The following SCARB1 variants were observed in gnomAD, a reference collection of about 807,000 sequenced individuals.
SCARB1 encodes CD36 and LIMPII analogous 1.
A neutral mutation model predicts 57.2 loss-of-function variants in SCARB1; 30 were observed. That is an observed-to-expected ratio of 0.52 (90% CI 0.39 to 0.71). The LOEUF is 0.71. Ranked by LOEUF, SCARB1 falls within the 30% of genes least tolerant of loss-of-function variation. SCARB1 has a pLI of 0.00. For synonymous variants in SCARB1, 249 were observed against 268.3 expected (o/e 0.93, Z 0.70); for missense variants, 543 against 671.2 (o/e 0.81, Z 2.11).
intron 1 of SCARB1, among the ~76,000 whole-genome samples, chr12:124,858,353 G>A (rs1224037030): frequency 6.6e-6 from 1 of 152,136 alleles, no homozygotes; most frequent in Non-Finnish European, 1.5e-5. Flanking sequence ...CCCATGAATG[G>A]ATGCCATGAA....
Position 124,800,012 on chromosome 12 carries a change from G to C in SCARB1, c.1128+112C>G. The C allele has an allele frequency of 1.2e-6, 1 of 829,826 alleles. No individual in the cohort carries two copies. 51.4% of individuals were successfully genotyped at this position (829,826 alleles called of 1,614,324 possible). A position where few individuals can be genotyped will look rare whatever the true frequency, so the allele number is the denominator to read the frequency against. On this transcript the variant is annotated intron_variant, in intron 8 of 12. Coordinates refer to ENST00000261693, the MANE Select transcript of SCARB1 (RefSeq NM_005505.5). This position sits in a 1 kb window ranked among gnomAD's most constrained non-coding sequence, Gnocchi z 4.8. ...TGGTGGCTCGAGATTCTAGAAGCCA[G>C]GCTTCCCACCACCCCAGCCCACAGC...
chr12:124,817,299 G>A lies in SCARB1; in HGVS notation c.284+251C>T, dbSNP rs1025754997. On this transcript the variant is annotated intron_variant, in intron 2 of 12. Coordinates refer to ENST00000261693, the MANE Select transcript of SCARB1 (RefSeq NM_005505.5). This position sits in a 1 kb window ranked among gnomAD's most constrained non-coding sequence, Gnocchi z 4.8. ...CTTTGAGAGGCTGAGGCGGAGGATC[G>A]CTTGAGCCCAGGACTTCAAAACCAG... is the stretch of plus-strand genomic sequence containing the variant. Among the ~76,000 whole-genome samples the A allele has an allele frequency of 6.4e-4, 89 of 139,414 alleles. 1 individual carries two copies. Among genetic ancestry groups the A allele is most frequent in the African/African-American group, 1.9e-3 (68 of 36,564 alleles). 91.5% of individuals were successfully genotyped at this position (139,414 alleles called of 152,430 possible). A position where few individuals can be genotyped will look rare whatever the true frequency, so the allele number is the denominator to read the frequency against.
In SCARB1 at chr12:124,817,149, T is replaced by TAC. The variant is rs1950767295; in HGVS notation, c.284+400_284+401insGT. Reference sequence around the variant, plus strand: ...GTATGTGTGTATGTGTATGTGTATGTGTGTGTATGTATGTGTGTAACTCAC... The same window carrying TAC: ...GTATGTGTGTATGTGTATGTGTATGTACGTGTGTATGTATGTGTGTAACTCAC... On this transcript the variant is annotated intron_variant, in intron 2 of 12. Coordinates refer to ENST00000261693, the MANE Select transcript of SCARB1 (RefSeq NM_005505.5). This position sits in a 1 kb window ranked among gnomAD's most constrained non-coding sequence, Gnocchi z 4.8. Among the ~76,000 whole-genome samples, 2 of 151,550 alleles carry TAC rather than the reference T, an allele frequency of 1.3e-5. No individual in the cohort carries two copies. The highest frequency in any genetic ancestry group is 4.8e-5 in the African/African-American group (2 of 41,242).
chr12:124,824,010 A>AT (rs1337224370), intron 1 of SCARB1, among the ~76,000 whole-genome samples: 4 of 149,336 alleles, frequency 2.7e-5, no homozygotes, highest in African/African-American at 1.0e-4. Flanking sequence ...ATTAAAAAAA[A>AT]AATATATACA....
At chr12:124,827,150 A>G (rs1293329887) in intron 1 of SCARB1, among the ~76,000 whole-genome samples, 1 of 152,214 alleles carries the variant, frequency 6.6e-6, no homozygotes, top group Non-Finnish European at 1.5e-5. Context: ...ACCGGATTAA[A>G]GAAGGAAGAG....
intron 1 of SCARB1, among the ~76,000 whole-genome samples, chr12:124,836,709 C>T (rs1331418858): frequency 6.6e-6 from 1 of 152,040 alleles, no homozygotes; most frequent in East Asian, 1.9e-4. Context: ...CAGGAGGATC[C>T]CTTGAGCCCA....
intron 9 of SCARB1, among the ~76,000 whole-genome samples, chr12:124,788,122 G>A (rs1156836208): frequency 6.6e-6 from 1 of 152,112 alleles, no homozygotes; most frequent in Non-Finnish European, 1.5e-5. Flanking sequence ...CAGGGATAAG[G>A]GGTCCATGGT....
Position 124,814,523 on chromosome 12 carries a change from C to G in SCARB1, c.427-118G>C, listed in dbSNP as rs1470230603. The G allele has an allele frequency of 1.8e-6, 2 of 1,120,588 alleles. No homozygotes were observed. Among genetic ancestry groups the G allele is most frequent in the Non-Finnish European group, 2.7e-6 (2 of 752,336 alleles). 69.4% of individuals were successfully genotyped at this position (1,120,588 alleles called of 1,614,324 possible). On this transcript the variant is annotated intron_variant, in intron 3 of 12. Transcript: ENST00000261693. This position sits in a 1 kb window ranked among gnomAD's most constrained non-coding sequence, Gnocchi z 4.7. The stretch of plus-strand genomic sequence containing the variant: ...AAGGGAAATGCTGGGGTGCAGGAGG[C>G]CCCTGGAGTGGCCACGTGGGGCATC...
At chr12:124,853,157 A>G in intron 1 of SCARB1, among the ~76,000 whole-genome samples, 1 of 152,166 alleles carries the variant, frequency 6.6e-6, no homozygotes, top group Admixed American at 6.5e-5. Flanking sequence ...AACCAAGCAT[A>G]AGAGCCAGGG....
At chr12:124,829,469 T>A (rs1951297485) in intron 1 of SCARB1, among the ~76,000 whole-genome samples, 1 of 152,208 alleles carries the variant, frequency 6.6e-6, no homozygotes, top group Non-Finnish European at 1.5e-5. Flanking sequence ...AGAATCTAAA[T>A]TCCTGACAGT....
chr12:124,790,008 T>TAAAAAAAA (rs1949666241), intron 9 of SCARB1, among the ~76,000 whole-genome samples: 2 of 102,362 alleles, frequency 2.0e-5, no homozygotes, highest in Non-Finnish European at 3.3e-5. Context: ...AGACTCCGTC[T>TAAAAAAAA]CAAAAAAAAA....
Position 124,789,838 on chromosome 12 carries a change from C to T in SCARB1, c.1203-2381G>A, listed in dbSNP as rs1040410775. On this transcript the variant is annotated intron_variant, in intron 9 of 12. Coordinates refer to ENST00000261693, the MANE Select transcript of SCARB1 (RefSeq NM_005505.5). The surrounding 1 kb of genome is among the most constrained non-coding windows in gnomAD (Gnocchi z 4.4). ...CCATCCTGGGCAACATGGTGAAACCCCATCTCTACTAAAAATATAAAAATT... is the reference window on the plus strand; with the variant it reads ...CCATCCTGGGCAACATGGTGAAACCTCATCTCTACTAAAAATATAAAAATT... Among the ~76,000 whole-genome samples the T allele has an allele frequency of 2.6e-5, 4 of 151,344 alleles. No homozygotes were observed. The East Asian group carries it at 7.8e-4, about 29-fold the overall frequency.
Position 124,812,822 on chromosome 12 carries a change from T to C in SCARB1, c.631-857A>G, listed in dbSNP as rs1165365708. Among the ~76,000 whole-genome samples the C allele has an allele frequency of 6.6e-6, 1 of 152,134 alleles. No individual in the cohort carries two copies. Among genetic ancestry groups the C allele is most frequent in the Non-Finnish European group, 1.5e-5 (1 of 68,040 alleles). On this transcript the variant is annotated intron_variant, in intron 4 of 12. Coordinates refer to ENST00000261693, the MANE Select transcript of SCARB1 (RefSeq NM_005505.5). The surrounding 1 kb of genome is among the most constrained non-coding windows in gnomAD (Gnocchi z 4.3). ...GCCCCAGCCCAGCATCCCGGGTGTG[T>C]CTGTCACGTGCCCATGTGGAGCCAA...
rs1950617196 is a variant in SCARB1 at position 124,814,319 on chromosome 12, G to A, written c.513C>T (p.Phe171=). 6.2e-7 allele frequency: 1 copy of A among 1,614,216 alleles called. No homozygotes were observed. The highest frequency in any genetic ancestry group is 8.5e-7 in the Non-Finnish European group (1 of 1,180,038). The stretch of plus-strand genomic sequence containing the variant: ...TGATCTCACCCACAGTGCGGTTCAT[G>A]AAGGCACGTTCGCCGAGGGTGGTGA... The part of the protein sequence containing the change: ...LAFTTLGERA[F]MNRTVGEIMW... Residue 171 remains phenylalanine (F), a synonymous_variant, in exon 4 of 13, where the codon TTC becomes TTT. Coordinates refer to ENST00000261693, the MANE Select transcript of SCARB1 (RefSeq NM_005505.5). This position sits in a 1 kb window ranked among gnomAD's most constrained non-coding sequence, Gnocchi z 4.7.
chr12:124,843,031 C>A (rs930593906), intron 1 of SCARB1, among the ~76,000 whole-genome samples: 1 of 152,222 alleles, frequency 6.6e-6, no homozygotes, highest in Non-Finnish European at 1.5e-5. Context: ...GAACTATTAA[C>A]CCAAGTCACC....
chr12:124,829,516 T>C lies in SCARB1; in HGVS notation c.127-11809A>G, dbSNP rs533110804. ...TCTTGCACAACCCAGCTCCCTATAG[T>C]CACTCCAGTCTCCTCCCCCATTCCT... On this transcript the variant is annotated intron_variant, in intron 1 of 12. Coordinates refer to ENST00000261693, the MANE Select transcript of SCARB1 (RefSeq NM_005505.5). 4.6e-5 allele frequency among the ~76,000 whole-genome samples: 7 copies of C among 151,882 alleles called. No homozygotes were observed. The South Asian group carries it at 1.5e-3, about 32-fold the overall frequency.
chr12:124,856,771 G>T (rs931726311), intron 1 of SCARB1, among the ~76,000 whole-genome samples: 5 of 152,248 alleles, frequency 3.3e-5, no homozygotes, highest in Admixed American at 2.6e-4. Flanking sequence ...GGCTGATAAA[G>T]GCGCAGAGCG....
intron 1 of SCARB1, among the ~76,000 whole-genome samples, chr12:124,818,802 T>C (rs1302864126): frequency 2.0e-5 from 3 of 151,806 alleles, no homozygotes; most frequent in Admixed American, 2.0e-4. Context: ...CCCACCACCA[T>C]ACCTGGTTAA....
At chr12:124,813,357 A>C (rs60063610) in intron 4 of SCARB1, among the ~76,000 whole-genome samples, 5,091 of 152,272 alleles carry the variant, frequency 0.033, 281 homozygotes, top group African/African-American at 0.11. Flanking sequence ...CAACTTGGAC[A>C]ATGAGGTTAT....
Sources: gnomAD v4.1 joint callset for allele counts (sites outside exome capture counted in the v4.1 genomes callset) on GRCh38, gnomAD v4.1.1 for gene constraint, Gnocchi (gnomAD v3.1) non-coding constraint, MANE v1.5 for transcripts, NCBI Gene and HGNC (gene_info 2026-07-23, HGNC 2026-07-21) for gene names.